The following MACF1 variants were observed in gnomAD, a reference collection of about 807,000 sequenced individuals.
The protein encoded by MACF1 is microtubule actin crosslinking factor 1.
A neutral mutation model predicts 854.8 loss-of-function variants in MACF1; 193 were observed. That is an observed-to-expected ratio of 0.23 (90% CI 0.20 to 0.25). The LOEUF is 0.25. MACF1 is among the 10% of genes least tolerant of loss of function. The pLI is 1.00. For missense variants in MACF1, 7,722 were observed against 8,929.1 expected, an observed-to-expected ratio of 0.86 and a Z score of 5.45; for synonymous variants, 3,185 against 3,226.7, an observed-to-expected ratio of 0.99 and a Z score of 0.44.
intron 58 of MACF1, chr1:39,411,351 A>G (rs976297272): frequency 6.2e-7 from 1 of 1,614,034 alleles, no homozygotes; most frequent in Non-Finnish European, 8.5e-7. Context: ...ATATTTTTGA[A>G]GAAAGAGAAC....
intron 36 of MACF1, chr1:39,328,608 C>T (rs550642659): frequency 1.1e-4 from 16 of 152,334 alleles, no homozygotes; most frequent in African/African-American, 3.4e-4. Flanking sequence ...CAGTCGCATG[C>T]TGGACGCTAA....
intron 58 of MACF1, chr1:39,412,282 T>A: frequency 7.4e-6 from 12 of 1,613,978 alleles, no homozygotes; most frequent in Non-Finnish European, 1.0e-5. Flanking sequence ...AGAGGTGTTA[T>A]ATGAATCAAA....
intron 2 of MACF1, among the ~76,000 whole-genome samples, chr1:39,094,934 G>A (rs1641900530): frequency 6.6e-6 from 1 of 151,940 alleles, no homozygotes; most frequent in South Asian, 2.1e-4. Flanking sequence ...GAGGATACAG[G>A]TGAAGAGATG....
At chr1:39,306,713 A>G (rs1402830185) in intron 23 of MACF1, among the ~76,000 whole-genome samples, 1 of 145,124 alleles carries the variant, frequency 6.9e-6, no homozygotes, top group African/African-American at 2.6e-5. Flanking sequence ...TCCAAGTCTT[A>G]TTTATTAGTG....
chr1:39,357,317 A>T (rs1469903976), intron 44 of MACF1, 58 bp from the exon 45 acceptor site: 4 of 1,563,266 alleles, frequency 2.6e-6, no homozygotes, highest in Non-Finnish European at 3.5e-6. Flanking sequence ...TGTATACCTC[A>T]AATTATTGTG....
Position 39,378,287 on chromosome 1 carries a change from T to C in MACF1, c.13214-174T>C, listed in dbSNP as rs556620976. On this transcript the variant is annotated intron_variant, in intron 52 of 100. Coordinates refer to ENST00000564288, the MANE Select transcript of MACF1 (RefSeq NM_001394062.1). ...TTCCTGCTAAGAACCTTGAGTGACGTTTTGTTGCCTGGCAGCTAAAATAAT... is the reference window on the plus strand; with the variant it reads ...TTCCTGCTAAGAACCTTGAGTGACGCTTTGTTGCCTGGCAGCTAAAATAAT... Among the ~76,000 whole-genome samples, 19 of 152,334 alleles carry C rather than the reference T, an allele frequency of 1.2e-4. No homozygotes were observed. The East Asian group carries it at 3.5e-3, about 28-fold the overall frequency.
chr1:39,124,846 T>G (rs1406094381), intron 2 of MACF1, among the ~76,000 whole-genome samples: 2 of 152,238 alleles, frequency 1.3e-5, no homozygotes, highest in Non-Finnish European at 2.9e-5. Context: ...ACAAACAGGT[T>G]AAGTGACTTG....
In MACF1 at chr1:39,380,240, C is replaced by A. The variant is rs769504010; in HGVS notation, c.13519-4C>A. 2 of 1,612,252 alleles carry A rather than the reference C, an allele frequency of 1.2e-6. No individual in the cohort carries two copies. The highest frequency in any genetic ancestry group is 1.7e-6 in the Non-Finnish European group (2 of 1,179,246). The stretch of plus-strand genomic sequence containing the variant: ...CATGGCATGCATGGCATTCTTTCTC[C>A]TAGGCCTTCCTGGCTGAGTTGGAAC... On this transcript the variant is annotated splice_region_variant and splice_polypyrimidine_tract_variant and intron_variant, in intron 54 of 100. Transcript: ENST00000564288.
intron 2 of MACF1, among the ~76,000 whole-genome samples, chr1:39,156,087 T>C (rs1469558959): frequency 3.3e-5 from 5 of 151,940 alleles, no homozygotes; most frequent in African/African-American, 4.8e-5. Context: ...TGGGGTTTTA[T>C]CGTGGTCTCG....
chr1:39,480,861 AC>A (rs1377703370), intron 98 of MACF1, 58 bp from the exon 99 acceptor site: 9 of 858,108 alleles, frequency 1.0e-5, no homozygotes, highest in Non-Finnish European at 1.7e-5. Context: ...CCCAATGTGC[AC>A]CCTTTTTGTT....
intron 2 of MACF1, among the ~76,000 whole-genome samples, chr1:39,097,167 G>A (rs1177487500): frequency 2.6e-5 from 4 of 151,902 alleles, no homozygotes; most frequent in Admixed American, 6.6e-5. Flanking sequence ...GTGAGCCACC[G>A]CGCCTGGCCT....
At chr1:39,371,131 C>T (rs1557614899) in intron 51 of MACF1, among the ~76,000 whole-genome samples, 1 of 151,752 alleles carries the variant, frequency 6.6e-6, no homozygotes, top group East Asian at 1.9e-4. Flanking sequence ...TCAGCCTGGC[C>T]AAGATGGTGA....
At chr1:39,220,364 G>A (rs1487074846) in intron 1 of MACF1, among the ~76,000 whole-genome samples, 1 of 150,222 alleles carries the variant, frequency 6.7e-6, no homozygotes, top group African/African-American at 2.5e-5. Context: ...GTAGAGATGG[G>A]GTTTCACCAT....
chr1:39,274,403 T>C (rs529506642), intron 6 of MACF1, among the ~76,000 whole-genome samples: 1 of 152,312 alleles, frequency 6.6e-6, no homozygotes, highest in Admixed American at 6.5e-5. Context: ...ATGGAAAATA[T>C]TCTGAAGAAA....
At position 39,331,961 on chromosome 1, in the gene MACF1, A is replaced by G. The variant is rs1251389810; in HGVS notation, c.5373A>G (p.Arg1791=). The G allele has an allele frequency of 1.9e-6, 3 of 1,614,048 alleles. No homozygotes were observed. The highest frequency in any genetic ancestry group is 2.5e-6 in the Non-Finnish European group (3 of 1,180,032). ...GHRLTVEEAV[R]HNLIDQDMAC... ...GACTTACAGTGGAAGAGGCTGTAAG[A>G]CATAATCTGATTGACCAAGATATGG... Residue 1791 remains arginine (R), a synonymous_variant, in exon 37 of 101, where the codon AGA becomes AGG. Transcript: ENST00000564288.
At chr1:39,245,267 C>T (rs1644970098) in intron 2 of MACF1, among the ~76,000 whole-genome samples, 1 of 152,066 alleles carries the variant, frequency 6.6e-6, no homozygotes, top group African/African-American at 2.4e-5. Context: ...TCACTTGGTC[C>T]TCAAGACCAA....
chr1:39,086,787 AC>A (rs1263567698), intron 2 of MACF1, among the ~76,000 whole-genome samples: 1 of 152,228 alleles, frequency 6.6e-6, no homozygotes, highest in Non-Finnish European at 1.5e-5. Context: ...TGCTGGGTCA[AC>A]TGAGCAAAGG....
chr1:39,411,371 C>G, intron 58 of MACF1: 4 of 1,614,038 alleles, frequency 2.5e-6, no homozygotes, highest in Non-Finnish European at 3.4e-6. Flanking sequence ...CAAGCAAACA[C>G]AGCAGTGGTG....
At chr1:39,345,782 T>C (rs1647031864) in intron 40 of MACF1, among the ~76,000 whole-genome samples, 1 of 152,158 alleles carries the variant, frequency 6.6e-6, no homozygotes, top group African/African-American at 2.4e-5. Flanking sequence ...TTTTAAAAGA[T>C]TGATGGCCGG....
Sources: gnomAD v4.1 joint callset for allele counts (sites outside exome capture counted in the v4.1 genomes callset) on GRCh38, gnomAD v4.1.1 for gene constraint, MANE v1.5 for transcripts, NCBI Gene and HGNC (gene_info 2026-07-23, HGNC 2026-07-21) for gene names.